The following RB1 variants were observed in gnomAD, a reference collection of about 807,000 sequenced individuals.
RB1 encodes RB transcriptional corepressor 1, also known as retinoblastoma-associated protein.
RB1 carries 18 observed loss-of-function variants against 135.4 expected under a neutral mutation model. The observed-to-expected ratio is 0.13, with a 90% CI of 0.09 to 0.20. RB1 has a LOEUF of 0.20. RB1 is among the 10% of genes least tolerant of loss of function. RB1 has a pLI of 1.00. For synonymous variants in RB1, 365 were observed against 373.2 expected (o/e 0.98, Z 0.25); for missense variants, 868 against 1,110.0 (o/e 0.78, Z 3.10).
rs141366046 is a variant in RB1, at chr13:48,348,985, T to C, written c.569T>C (p.Val190Ala). 6.2e-7 allele frequency: 1 copy of C among 1,602,726 alleles called. No homozygotes were observed. Among genetic ancestry groups the C allele is most frequent in the Non-Finnish European group, 8.5e-7 (1 of 1,173,358 alleles). The change falls in exon 6 of 27, where the codon GTG becomes GCG. Residue 190 changes from valine to alanine, a missense_variant. By Grantham distance (64) the Val-to-Ala change is moderately conservative. This residue lies in a region of RB1 where 641 missense variants were observed against 791.3 expected (regional missense o/e 0.81). Transcript: ENST00000267163. ...TCTACTGAAATAAATTCTGCATTGG[T>C]GCTAAAAGTTTCTTGGATCACATTT... ...SISTEINSAL[V>A]LKVSWITFLL...
intron 26 of RB1, among the ~76,000 whole-genome samples, chr13:48,478,701 T>C (rs1265708747): frequency 6.6e-6 from 1 of 152,212 alleles, no homozygotes; most frequent in Admixed American, 6.5e-5. Flanking sequence ...TTTTAACCCC[T>C]GAGGCTAAGG....
chr13:48,452,865 T>C, intron 17 of RB1, 128 bp from the exon 18 acceptor site: 1 of 1,364,496 alleles, frequency 7.3e-7, no homozygotes, highest in Non-Finnish European at 1.0e-6. Context: ...CATTCTGACT[T>C]TTAAATTGCC....
intron 2 of RB1, chr13:48,317,780 G>A (rs566784276): frequency 1.6e-5 from 6 of 373,898 alleles, no homozygotes; most frequent in Non-Finnish European, 3.0e-5. Flanking sequence ...GCACCTCATG[G>A]CCCTTCTGCC....
At chr13:48,477,813 A>G (rs555096486) in intron 26 of RB1, among the ~76,000 whole-genome samples, 1 of 152,184 alleles carries the variant, frequency 6.6e-6, no homozygotes. Flanking sequence ...TACCATTTTT[A>G]AACTTTCCTT....
chr13:48,324,988 T>A (rs887317364), intron 2 of RB1, among the ~76,000 whole-genome samples: 3 of 152,176 alleles, frequency 2.0e-5, no homozygotes, highest in African/African-American at 7.2e-5. Context: ...GGATTTGTTT[T>A]TTTTTTTAAG....
chr13:48,426,681 C>G (rs1244229461), intron 17 of RB1: 2 of 152,212 alleles, frequency 1.3e-5, no homozygotes, highest in Non-Finnish European at 2.9e-5. Context: ...CTGATTATTG[C>G]TGGAGCAGGA....
intron 18 of RB1, among the ~76,000 whole-genome samples, chr13:48,454,012 C>G (rs1949345182): frequency 6.6e-6 from 1 of 152,126 alleles, no homozygotes. Flanking sequence ...TGTTTATTTT[C>G]CTTTCACAAA....
intron 21 of RB1, 41 bp from the exon 22 acceptor site, chr13:48,464,957 A>C (rs769265636): frequency 3.5e-6 from 4 of 1,136,272 alleles, no homozygotes; most frequent in Non-Finnish European, 4.7e-6. Context: ...AGTAAATTTT[A>C]CTTTTTTTTT....
intron 17 of RB1, among the ~76,000 whole-genome samples, chr13:48,416,723 G>A (rs1409354039): frequency 6.6e-6 from 1 of 152,200 alleles, no homozygotes; most frequent in East Asian, 1.9e-4. Flanking sequence ...GTCTGAAGTC[G>A]ACCTGGGATG....
intron 20 of RB1, among the ~76,000 whole-genome samples, chr13:48,461,311 G>C (rs2138339531): frequency 6.6e-6 from 1 of 152,216 alleles, no homozygotes; most frequent in Admixed American, 6.5e-5. Context: ...ATGTTTTCAA[G>C]GTTCATCTGT....
intron 1 of RB1, 95 bp from the exon 2 acceptor site, chr13:48,307,185 C>A (rs1952087727): frequency 1.1e-6 from 1 of 946,010 alleles, no homozygotes; most frequent in Non-Finnish European, 1.6e-6. Context: ...TTCTTTTTCA[C>A]AGTAGTGTTA....
rs1345202778 is a variant in RB1 at position 48,303,790 on chromosome 13, G to A, written c.-123G>A. The stretch of plus-strand genomic sequence containing the variant: ...GGAGGGCGCGTCCGGTTTTTCTCAG[G>A]GGACGTTGAAATTATTTTTGTAACG... On this transcript the variant is annotated 5_prime_UTR_variant, in exon 1 of 27. Transcript: ENST00000267163. 7.8e-6 allele frequency: 11 copies of A among 1,401,278 alleles called. No individual in the cohort carries two copies. The Admixed American group carries it at 2.6e-4, about 33-fold the overall frequency. 86.8% of individuals were successfully genotyped at this position (1,401,278 alleles called of 1,614,324 possible). A position where few individuals can be genotyped will look rare whatever the true frequency, so the allele number is the denominator to read the frequency against.
chr13:48,367,478 A>C lies in RB1; in HGVS notation c.940-16A>C. 1.3e-6 allele frequency: 2 copies of C among 1,598,480 alleles called. No individual in the cohort carries two copies. The highest frequency in any genetic ancestry group is 1.7e-6 in the Non-Finnish European group (2 of 1,170,872). On this transcript the variant is annotated splice_polypyrimidine_tract_variant and intron_variant, in intron 9 of 26. Coordinates refer to ENST00000267163, the MANE Select transcript of RB1 (RefSeq NM_000321.3). ...GACATGTAAAGGATAATTGTCAGTG[A>C]CTTTTTTCTTTCAAGGTTGAAAATC... is the stretch of plus-strand genomic sequence containing the variant.
chr13:48,461,739 A>G (rs1172295890), intron 20 of RB1, among the ~76,000 whole-genome samples: 1 of 152,040 alleles, frequency 6.6e-6, no homozygotes, highest in Non-Finnish European at 1.5e-5. Context: ...TCTGATGGCT[A>G]GTGATGGTGA....
intron 2 of RB1, among the ~76,000 whole-genome samples, chr13:48,310,113 G>A (rs899140860): frequency 6.6e-6 from 1 of 152,182 alleles, no homozygotes; most frequent in South Asian, 2.1e-4. Context: ...TAAATCAACA[G>A]ACTTTTCCTT....
At chr13:48,414,206 G>A (rs1301320421) in intron 17 of RB1, among the ~76,000 whole-genome samples, 1 of 152,002 alleles carries the variant, frequency 6.6e-6, no homozygotes, top group Non-Finnish European at 1.5e-5. Flanking sequence ...AACTAGCCTA[G>A]GGCAATAGTG....
intron 23 of RB1, among the ~76,000 whole-genome samples, chr13:48,467,442 C>A (rs1593541479): frequency 6.0e-5 from 3 of 49,662 alleles, no homozygotes; most frequent in African/African-American, 1.3e-4. Flanking sequence ...CGGTACCAGC[C>A]GCTGCAAAAT....
At chr13:48,439,668 A>G (rs960548690) in intron 17 of RB1, 5 of 152,176 alleles carry the variant, frequency 3.3e-5, no homozygotes, top group Non-Finnish European at 1.5e-5. Context: ...TCTGTCAGCT[A>G]TTGAATGTGT....
At chr13:48,415,097 A>G (rs1295330841) in intron 17 of RB1, among the ~76,000 whole-genome samples, 1 of 152,122 alleles carries the variant, frequency 6.6e-6, no homozygotes, top group Non-Finnish European at 1.5e-5. Flanking sequence ...AATGAAATAT[A>G]TGCAGTTGTA....
Sources: allele counts gnomAD v4.1 joint callset (sites outside exome capture counted in the v4.1 genomes callset), GRCh38; gene constraint gnomAD v4.1.1; regional missense constraint gnomAD v4.1.1; transcripts MANE v1.5; gene names NCBI Gene and HGNC (gene_info 2026-07-23, HGNC 2026-07-21).